The following PLEKHB1 variants were observed in gnomAD, a reference collection of about 807,000 sequenced individuals.
PLEKHB1 encodes the protein pleckstrin homology domain containing B1, also known as pleckstrin homology domain-containing family B member 1.
A neutral mutation model predicts 36.2 loss-of-function variants in PLEKHB1; 29 were observed. The observed-to-expected ratio is 0.80, with a 90% CI of 0.60 to 1.09. The LOEUF (loss-of-function observed/expected upper bound fraction) is 1.09. Among genes scored for constraint, PLEKHB1 ranks in the 50% least tolerant of loss-of-function variants. The pLI, the probability that PLEKHB1 is intolerant of heterozygous loss-of-function variation, is 0.00. For synonymous variants in PLEKHB1, 138 were observed against 140.0 expected (o/e 0.99, Z 0.10); for missense variants, 330 against 348.2 (o/e 0.95, Z 0.42).
chr11:73,653,294 G>A, intron 5 of PLEKHB1: 1 of 658,844 alleles, frequency 1.5e-6, no homozygotes, highest in Non-Finnish European at 2.8e-6. Context: ...TTATGTGCCA[G>A]GTGTGGTGCA....
In PLEKHB1 at chr11:73,662,806, G is replaced by C. The variant is rs1945153846; in HGVS notation, c.*1204G>C. On this transcript the variant is annotated 3_prime_UTR_variant, in exon 8 of 8. Coordinates refer to ENST00000354190, the MANE Select transcript of PLEKHB1 (RefSeq NM_021200.3). Reference sequence around the variant, plus strand: ...TGCCGAGACTAATAAAGATTTGGTTGGCTCTAGCAGTAACTGTGGCTTGCT... The same window carrying C: ...TGCCGAGACTAATAAAGATTTGGTTCGCTCTAGCAGTAACTGTGGCTTGCT... 6.6e-6 allele frequency: 1 copy of C among 152,196 alleles called. No individual in the cohort carries two copies. The highest frequency in any genetic ancestry group is 1.5e-5 in the Non-Finnish European group (1 of 68,042). 9.4% of individuals were successfully genotyped at this position (152,196 alleles called of 1,614,324 possible).
At chr11:73,652,213 A>G in intron 4 of PLEKHB1, 1 of 352,984 alleles carries the variant, frequency 2.8e-6, no homozygotes, top group Non-Finnish European at 5.2e-6. Flanking sequence ...GCAGCAGAGC[A>G]GCCTAGTGGC....
intron 6 of PLEKHB1, 73 bp downstream of exon 6, chr11:73,655,980 A>T (rs1944986947): frequency 2.4e-6 from 3 of 1,273,422 alleles, no homozygotes; most frequent in Non-Finnish European, 3.4e-6. Flanking sequence ...GGCCCAGTCC[A>T]TCCCTTCCCT....
intron 6 of PLEKHB1, among the ~76,000 whole-genome samples, chr11:73,657,045 C>T (rs1404517443): frequency 6.6e-6 from 1 of 152,104 alleles, no homozygotes; most frequent in Non-Finnish European, 1.5e-5. Flanking sequence ...GAGGCTGAGG[C>T]AGGAGAATGG....
At position 73,661,662 on chromosome 11, in the gene PLEKHB1, G is replaced by C. The variant is rs958128667; in HGVS notation, c.*60G>C. The C allele has an allele frequency of 1.4e-5, 21 of 1,513,780 alleles. No individual in the cohort carries two copies. The African/African-American group carries it at 2.8e-4, about 20-fold the overall frequency. The allele number at this position is 1,513,780 out of a possible 1,614,324, so 93.8% of individuals were successfully genotyped here. On this transcript the variant is annotated 3_prime_UTR_variant, in exon 8 of 8. Transcript: ENST00000354190. This position sits in a 1 kb window ranked among gnomAD's most constrained non-coding sequence, Gnocchi z 4.6. ...GATTGCTAGACTCCTCTTCCTCCTG[G>C]ACCCCATCCTCTACCATCCAAGCCC...
At chr11:73,651,353 CAAAA>C (rs35147175) in intron 3 of PLEKHB1, 449 of 355,626 alleles carry the variant, frequency 1.3e-3, no homozygotes, top group Non-Finnish European at 1.7e-3. Context: ...GACCCTGTCT[CAAAA>C]AAAAAAAAAA....
rs761247602 is a variant in PLEKHB1 at position 73,655,839 on chromosome 11, C to A, written c.427C>A (p.Arg143=). The A allele has an allele frequency of 6.8e-6, 11 of 1,613,794 alleles. No homozygotes were observed. Among genetic ancestry groups the A allele is most frequent in the Middle Eastern group, 1.7e-4 (1 of 6,060 alleles). ...AGCCACCGTCCCTCCCAGGAGCCGC[C>A]GGGTTTGCTCCAAGGTCAGGTGTGT... ...AGATVPPRSR[R]VCSKVRCVTR... is the part of the protein sequence containing the mutation. Residue 143 remains arginine, a synonymous_variant, in exon 6 of 8, where the codon CGG becomes AGG. Transcript: ENST00000354190.
chr11:73,662,647 TC>T lies in PLEKHB1; in HGVS notation c.*1046del, dbSNP rs1225058799. Reference sequence around the variant, plus strand: ...TGCCTGCCCTCAGGTGGTCCACCAGTCTCCCCCTTTGGTTCCCTTCCAGTCT... The same window carrying T: ...TGCCTGCCCTCAGGTGGTCCACCAGTTCCCCCTTTGGTTCCCTTCCAGTCT... On this transcript the variant is annotated 3_prime_UTR_variant, in exon 8 of 8. Coordinates refer to ENST00000354190, the MANE Select transcript of PLEKHB1 (RefSeq NM_021200.3). The T allele has an allele frequency of 1.3e-4, 20 of 152,496 alleles. No individual in the cohort carries two copies. The highest frequency in any genetic ancestry group is 4.3e-4 in the African/African-American group (18 of 41,540). The allele number at this position is 152,496 out of a possible 1,614,324, so 9.4% of individuals were successfully genotyped here. A position where few individuals can be genotyped will look rare whatever the true frequency, so the allele number is the denominator to read the frequency against.
At position 73,661,518 on chromosome 11, in the gene PLEKHB1, C is replaced by T. The variant is rs1324556988; in HGVS notation, c.648C>T (p.Gly216=). ...GGGAGGATCCCTGCTACAGCGCCGG[C>T]GCCCCTCTGGCCATGGGCATGCTTG... ...IVREDPCYSA[G]APLAMGMLAG... Residue 216 remains glycine, a synonymous_variant, in exon 8 of 8, where the codon GGC becomes GGT. Transcript: ENST00000354190. This position sits in a 1 kb window ranked among gnomAD's most constrained non-coding sequence, Gnocchi z 4.6. The T allele has an allele frequency of 1.9e-6, 3 of 1,613,468 alleles. No homozygotes were observed. The highest frequency in any genetic ancestry group is 2.2e-5 in the East Asian group (1 of 44,848).
chr11:73,660,749 C>T lies in PLEKHB1; in HGVS notation c.496-4C>T. ...TGGGCACCTGACATGGTTGGATTCC[C>T]CAGGTGCGCGTCTACAGCCCGTACC... On this transcript the variant is annotated splice_polypyrimidine_tract_variant and splice_region_variant and intron_variant, in intron 6 of 7. Coordinates refer to ENST00000354190, the MANE Select transcript of PLEKHB1 (RefSeq NM_021200.3). The T allele has an allele frequency of 6.3e-7, 1 of 1,583,916 alleles. No homozygotes were observed. Among genetic ancestry groups the T allele is most frequent in the Non-Finnish European group, 8.6e-7 (1 of 1,166,632 alleles).
intron 6 of PLEKHB1, chr11:73,660,477 TG>T (rs1393026503): frequency 2.1e-6 from 1 of 482,242 alleles, no homozygotes; most frequent in Non-Finnish European, 3.7e-6. Context: ...AAGGAGAAAT[TG>T]GGAGCCATAG....
chr11:73,656,594 T>C (rs2134820660), intron 6 of PLEKHB1, among the ~76,000 whole-genome samples: 1 of 152,290 alleles, frequency 6.6e-6, no homozygotes, highest in South Asian at 2.1e-4. Flanking sequence ...TCAATGTTTC[T>C]TGAAGGCAGG....
intron 1 of PLEKHB1, chr11:73,647,844 C>T: frequency 3.1e-6 from 3 of 975,428 alleles, no homozygotes; most frequent in Non-Finnish European, 3.7e-6. Context: ...GAGGAACAGA[C>T]AAGGCTGGGC....
chr11:73,656,509 G>C (rs1944996493), intron 6 of PLEKHB1, among the ~76,000 whole-genome samples: 1 of 152,156 alleles, frequency 6.6e-6, no homozygotes, highest in Non-Finnish European at 1.5e-5. Context: ...AGGAAGGAAG[G>C]AGGGAGTGAA....
intron 6 of PLEKHB1, among the ~76,000 whole-genome samples, chr11:73,657,017 G>A (rs1416347767): frequency 6.6e-6 from 1 of 152,148 alleles, no homozygotes; most frequent in Non-Finnish European, 1.5e-5. Context: ...AAGACATGGT[G>A]TAATCTCAGA....
Position 73,661,628 on chromosome 11 carries a change from C to A in PLEKHB1, c.*26C>A. The stretch of plus-strand genomic sequence containing the variant: ...GCCCTGGGACTCGGAGCACTGACCC[C>A]TGCGCTTGGATTGCTAGACTCCTCT... On this transcript the variant is annotated 3_prime_UTR_variant, in exon 8 of 8. Coordinates refer to ENST00000354190, the MANE Select transcript of PLEKHB1 (RefSeq NM_021200.3). This position sits in a 1 kb window ranked among gnomAD's most constrained non-coding sequence, Gnocchi z 4.6. 1 of 1,545,420 alleles carries A rather than the reference C, an allele frequency of 6.5e-7. No individual in the cohort carries two copies. Among genetic ancestry groups the A allele is most frequent in the South Asian group, 1.2e-5 (1 of 81,636 alleles).
intron 1 of PLEKHB1, chr11:73,647,508 T>C (rs1944789943): frequency 2.1e-6 from 2 of 975,062 alleles, no homozygotes; most frequent in African/African-American, 3.5e-5. Flanking sequence ...AGGGGTAGAC[T>C]ACAAGTCCCA....
Position 73,652,986 on chromosome 11 carries a change from C to T in PLEKHB1, c.362C>T (p.Thr121Ile). The change falls in exon 5 of 8, where the codon ACA becomes ATA. Residue 121 changes from threonine to isoleucine, a missense_variant. By Grantham distance (89) the Thr-to-Ile change is moderately conservative. Transcript: ENST00000354190. ...GATTTGCTTTGCAGAGCATGGAAGA[C>T]AGCACTGCTGGAGGCAAACTCCACC... ...ETKDDALAWK[T>I]ALLEANSTPA... 6.2e-7 allele frequency: 1 copy of T among 1,610,412 alleles called. No homozygotes were observed.
At position 73,660,803 on chromosome 11, in the gene PLEKHB1, T is replaced by A. The variant is rs1250214717; in HGVS notation, c.546T>A (p.Asn182Lys). ...YQDYYEVVPP[N>K]AHEATYVRSY... ...ACTACTACGAGGTGGTGCCCCCCAA[T>A]GCACACGAGGCCACGTATGTCCGCA... Residue 182 changes from asparagine to lysine, a missense_variant, in exon 7 of 8, where the codon AAT becomes AAA. By Grantham distance (94) the Asn-to-Lys change is moderately conservative. Transcript: ENST00000354190. 2 of 1,602,850 alleles carry A rather than the reference T, an allele frequency of 1.2e-6. No homozygotes were observed. Among genetic ancestry groups the A allele is most frequent in the Non-Finnish European group, 1.7e-6 (2 of 1,175,856 alleles).
Sources: gnomAD v4.1 joint callset for allele counts (sites outside exome capture counted in the v4.1 genomes callset) on GRCh38, gnomAD v4.1.1 for gene constraint, Gnocchi (gnomAD v3.1) non-coding constraint, MANE v1.5 for transcripts, NCBI Gene and HGNC (gene_info 2026-07-23, HGNC 2026-07-21) for gene names.